The following PABIR3 variants were observed in gnomAD, a reference collection of about 807,000 sequenced individuals.
PABIR3 encodes PABIR family member 1.
A neutral mutation model predicts 23.1 loss-of-function variants in PABIR3; 20 were observed. The ratio of observed to expected loss-of-function variants is 0.86; its 90% CI spans 0.61 to 1.26. The LOEUF (loss-of-function observed/expected upper bound fraction) is 1.26, where lower values mean the gene tolerates loss of function less well. PABIR3 is among the 50% of genes most tolerant of loss of function. PABIR3 has a pLI of 0.00. For synonymous variants in PABIR3, 69 were observed against 68.5 expected, an observed-to-expected ratio of 1.01 and a Z score of -0.04; for missense variants, 189 against 195.4, an observed-to-expected ratio of 0.97 and a Z score of 0.20.
intron 2 of PABIR3, chrX:134,810,701 T>G (rs753131761): frequency 1.3e-6 from 1 of 752,911 alleles, no homozygotes; most frequent in Non-Finnish European, 1.6e-6. Context: ...TTCTCCCTTT[T>G]TTTTTCCTTC....
At chrX:134,836,636 G>C (rs2081984135) in intron 4 of PABIR3, among the ~76,000 whole-genome samples, 1 of 110,913 alleles carries the variant, frequency 9.0e-6, no homozygotes, top group Admixed American at 9.7e-5. Flanking sequence ...GAAGGACAGC[G>C]GTCATATTGG....
chrX:134,816,819 T>C (rs2081006121), intron 3 of PABIR3, among the ~76,000 whole-genome samples: 1 of 112,571 alleles, frequency 8.9e-6, no homozygotes, highest in Non-Finnish European at 1.9e-5. Context: ...ATATGATTTG[T>C]AATGTGATAG....
chrX:134,807,076 G>A (rs763934319), upstream of PABIR3: 1 of 606,696 alleles, frequency 1.6e-6, no homozygotes. Flanking sequence ...TGGGGATAAA[G>A]CGGTTTCTTA....
At chrX:134,825,366 C>T (rs190201481) in intron 3 of PABIR3, among the ~76,000 whole-genome samples, 5 of 111,606 alleles carry the variant, frequency 4.5e-5, no homozygotes, top group Middle Eastern at 4.6e-3. Context: ...AACTCTGTGC[C>T]AGGTGCTGTG....
upstream of PABIR3, chrX:134,807,053 G>A (rs1252913330): frequency 2.5e-4 from 107 of 423,459 alleles, 1 homozygote; most frequent in Non-Finnish European, 7.1e-5. Flanking sequence ...GAAAGAGGAA[G>A]GAGGGCAGGA....
At chrX:134,829,730 G>A (rs1193926598) in intron 4 of PABIR3, among the ~76,000 whole-genome samples, 1 of 111,682 alleles carries the variant, frequency 9.0e-6, no homozygotes. Flanking sequence ...CCATGTGCAC[G>A]CATGCACGTC....
intron 3 of PABIR3, chrX:134,821,346 C>A: frequency 1.7e-6 from 2 of 1,149,111 alleles, no homozygotes; most frequent in Non-Finnish European, 2.3e-6. Flanking sequence ...TCACCCACTT[C>A]TGTTGAACAG....
chrX:134,837,306 A>G (rs748063615), intron 4 of PABIR3, among the ~76,000 whole-genome samples: 1 of 110,710 alleles, frequency 9.0e-6, no homozygotes, highest in Non-Finnish European at 1.9e-5. Flanking sequence ...AGATTGTACC[A>G]CTGCACTCAC....
chrX:134,845,640 A>G (rs1424181086), intron 6 of PABIR3, among the ~76,000 whole-genome samples: 1 of 110,832 alleles, frequency 9.0e-6, no homozygotes, highest in Non-Finnish European at 1.9e-5. Flanking sequence ...TCCTGCCTCA[A>G]CCTCCCAAAA....
At chrX:134,821,935 T>A in intron 3 of PABIR3, 1 of 764,453 alleles carries the variant, frequency 1.3e-6, no homozygotes, top group Non-Finnish European at 1.6e-6. Context: ...AAATAATTTT[T>A]AAAAATCTTA....
At chrX:134,836,628 A>AG (rs2081983710) in intron 4 of PABIR3, among the ~76,000 whole-genome samples, 1 of 111,088 alleles carries the variant, frequency 9.0e-6, no homozygotes, top group Admixed American at 9.7e-5. Flanking sequence ...CTTTTCATGA[A>AG]GGACAGCGGT....
At position 134,845,559 on chromosome X, in the gene PABIR3, AT is replaced by A. The variant is rs770297862; in HGVS notation, c.345+169del. On this transcript the variant is annotated intron_variant, in intron 6 of 10. Transcript: ENST00000645433. Reference sequence around the variant, plus strand: ...AAATAATTTTTGAGTGCTCTTTTTAATTTTTTTTTTTGAGACAAGGTCTCAC... The same window carrying A: ...AAATAATTTTTGAGTGCTCTTTTTAATTTTTTTTTTGAGACAAGGTCTCAC... 1.4e-3 allele frequency among the ~76,000 whole-genome samples: 148 copies of A among 107,007 alleles called. No homozygotes were observed. The Middle Eastern group carries it at 0.044, about 32-fold the overall frequency. The allele number at this position is 107,007 out of a possible 115,157, so 92.9% of individuals were successfully genotyped here.
At chrX:134,849,442 T>G (rs777910068) in intron 9 of PABIR3, among the ~76,000 whole-genome samples, 174 of 112,068 alleles carry the variant, frequency 1.6e-3, no homozygotes, top group African/African-American at 5.0e-3. Flanking sequence ...ATTGAGAAAT[T>G]TAATTCCAAT....
upstream of PABIR3, among the ~76,000 whole-genome samples, chrX:134,806,506 C>T (rs1433861674): frequency 9.1e-6 from 1 of 109,494 alleles, no homozygotes. Flanking sequence ...ATCCCAGCTA[C>T]TCGGGAGGCT....
chrX:134,838,318 TG>T (rs1389762182), intron 4 of PABIR3, among the ~76,000 whole-genome samples: 1 of 110,066 alleles, frequency 9.1e-6, no homozygotes, highest in Non-Finnish European at 1.9e-5. Flanking sequence ...CCAAGATAAA[TG>T]TTTTTTTTTT....
intron 1 of PABIR3, 90 bp from the exon 2 acceptor site, chrX:134,807,450 A>G (rs1448483635): frequency 1.8e-6 from 2 of 1,088,112 alleles, no homozygotes; most frequent in African/African-American, 3.7e-5. Flanking sequence ...AGGGCTGCAA[A>G]GGTGGGCACC....
At chrX:134,803,152 G>A (rs2080109140), upstream of PABIR3, among the ~76,000 whole-genome samples, 1 of 112,301 alleles carries the variant, frequency 8.9e-6, no homozygotes, top group Non-Finnish European at 1.9e-5. Context: ...GAAGTATGTT[G>A]CAAGGAGGCA....
downstream of PABIR3, among the ~76,000 whole-genome samples, chrX:134,857,329 CAGAG>C (rs1456784914): frequency 1.1e-4 from 12 of 110,785 alleles, no homozygotes; most frequent in African/African-American, 3.9e-4. Flanking sequence ...ATCTCTGCCT[CAGAG>C]AGAATCCTGT....
chrX:134,814,496 A>G (rs957246752), intron 2 of PABIR3, among the ~76,000 whole-genome samples: 1 of 111,445 alleles, frequency 9.0e-6, no homozygotes, highest in Non-Finnish European at 1.9e-5. Flanking sequence ...TCAGGAGTTC[A>G]AGACCAGCCT....
Sources: allele counts gnomAD v4.1 joint callset (sites outside exome capture counted in the v4.1 genomes callset), GRCh38; gene constraint gnomAD v4.1.1; transcripts MANE v1.5; gene names NCBI Gene and HGNC (gene_info 2026-07-23, HGNC 2026-07-21).